The following TMEM132D variants were observed in gnomAD, a reference collection of about 807,000 sequenced individuals.
The protein encoded by TMEM132D is mature OL transmembrane protein.
In TMEM132D, 21 loss-of-function variants were observed where a neutral mutation model predicts 62.3. The observed-to-expected ratio is 0.34, with a 90% CI of 0.24 to 0.49. The LOEUF is 0.49. Among genes scored for constraint, TMEM132D ranks in the 20% least tolerant of loss-of-function variants. The probability of loss-of-function intolerance (pLI) is 0.99; values close to 1 mark genes in which losing one functional copy is unlikely to be tolerated. For synonymous variants in TMEM132D, 621 were observed against 575.6 expected (o/e 1.08, Z -1.13); for missense variants, 1,346 against 1,402.8 (o/e 0.96, Z 0.65).
intron 2 of TMEM132D, among the ~76,000 whole-genome samples, chr12:129,628,541 C>T (rs1257311650): frequency 1.3e-5 from 2 of 152,212 alleles, no homozygotes; most frequent in African/African-American, 4.8e-5. Context: ...CAGAACACTA[C>T]TATGTGCTGG....
rs149201962 is a variant in TMEM132D at position 129,486,994 on chromosome 12, C to T, written c.1115+44065G>A. Among the ~76,000 whole-genome samples the T allele has an allele frequency of 9.1e-5, 13 of 143,250 alleles. No individual in the cohort carries two copies. The East Asian group carries it at 1.9e-3, about 21-fold the overall frequency. The allele number at this position is 143,250 out of a possible 152,430, so 94.0% of individuals were successfully genotyped here. Reference sequence around the variant, plus strand: ...AGGATACGAGAGGCCTGTATTGCAGCGTGGCTGGAGAGTTGATGTCTGCGA... The same window carrying T: ...AGGATACGAGAGGCCTGTATTGCAGTGTGGCTGGAGAGTTGATGTCTGCGA... On this transcript the variant is annotated intron_variant, in intron 3 of 8. Coordinates refer to ENST00000422113, the MANE Select transcript of TMEM132D (RefSeq NM_133448.3).
intron 5 of TMEM132D, among the ~76,000 whole-genome samples, chr12:129,113,625 G>C (rs1167154436): frequency 6.6e-6 from 1 of 152,126 alleles, no homozygotes; most frequent in Non-Finnish European, 1.5e-5. Flanking sequence ...AGTGTTCTAG[G>C]GTGGAGAGTT....
Position 129,838,300 on chromosome 12 carries a change from G to A in TMEM132D, c.79+64961C>T, listed in dbSNP as rs564525852. On this transcript the variant is annotated intron_variant, in intron 1 of 8. Coordinates refer to ENST00000422113, the MANE Select transcript of TMEM132D (RefSeq NM_133448.3). ...CAAGGTATGCTCTAGAATAGAAAGC[G>A]TCTTTCCAACTCTCTTCCGAAAAAT... 2.4e-4 allele frequency among the ~76,000 whole-genome samples: 37 copies of A among 152,322 alleles called. No homozygotes were observed. In the South Asian group the frequency reaches 3.5e-3, roughly 15 times the overall value.
intron 1 of TMEM132D, among the ~76,000 whole-genome samples, chr12:129,825,299 G>A (rs111948787): frequency 0.12 from 18,356 of 151,856 alleles, 1,428 homozygotes; most frequent in Middle Eastern, 0.17. Flanking sequence ...GATTACAGGC[G>A]TGAGCCACTG....
intron 4 of TMEM132D, among the ~76,000 whole-genome samples, chr12:129,274,760 G>C (rs550274513): frequency 6.6e-6 from 1 of 152,006 alleles, no homozygotes; most frequent in Non-Finnish European, 1.5e-5. Flanking sequence ...GGTGGCGGGC[G>C]CCTGTGGTCC....
At chr12:129,372,650 G>A (rs1870649963) in intron 3 of TMEM132D, among the ~76,000 whole-genome samples, 1 of 151,938 alleles carries the variant, frequency 6.6e-6, no homozygotes, top group Admixed American at 6.6e-5. Flanking sequence ...CTATGCTGTA[G>A]TGCAAACTAT....
intron 5 of TMEM132D, among the ~76,000 whole-genome samples, chr12:129,113,509 C>T (rs143975071): frequency 6.6e-6 from 1 of 152,236 alleles, no homozygotes; most frequent in African/African-American, 2.4e-5. Flanking sequence ...CTGCCTTCAT[C>T]GAGCTTACAC....
Position 129,111,688 on chromosome 12 carries a change from T to C in TMEM132D, c.1444-26986A>G, listed in dbSNP as rs140412171. 5.9e-5 allele frequency: 9 copies of C among 152,358 alleles called. No homozygotes were observed. The East Asian group carries it at 1.3e-3, about 23-fold the overall frequency. 9.4% of individuals were successfully genotyped at this position (152,358 alleles called of 1,614,324 possible). A position where few individuals can be genotyped will look rare whatever the true frequency, so the allele number is the denominator to read the frequency against. ...TCCCAAGGTGGGTGATAACTGATTA[T>C]GAAAACCTTCCTCCCTCTCAGTCTC... On this transcript the variant is annotated intron_variant, in intron 5 of 8. Transcript: ENST00000422113.
At chr12:129,479,468 C>T (rs952152760) in intron 3 of TMEM132D, among the ~76,000 whole-genome samples, 2 of 152,042 alleles carry the variant, frequency 1.3e-5, no homozygotes, top group Non-Finnish European at 2.9e-5. Flanking sequence ...CTCTGGCATA[C>T]GTCCTGAGAT....
At chr12:129,814,403 G>A (rs1872280903) in intron 1 of TMEM132D, among the ~76,000 whole-genome samples, 1 of 152,044 alleles carries the variant, frequency 6.6e-6, no homozygotes, top group Non-Finnish European at 1.5e-5. Context: ...CGAGGTGGGA[G>A]TTTGAGACCA....
At chr12:129,624,759 C>T (rs1217773141) in intron 2 of TMEM132D, among the ~76,000 whole-genome samples, 2 of 152,050 alleles carry the variant, frequency 1.3e-5, no homozygotes, top group Admixed American at 6.5e-5. Context: ...CAGAGTGAAC[C>T]AGACAGCAAG....
intron 2 of TMEM132D, among the ~76,000 whole-genome samples, chr12:129,683,668 T>G (rs1880839637): frequency 6.6e-6 from 1 of 152,046 alleles, no homozygotes; most frequent in African/African-American, 2.4e-5. Flanking sequence ...CCCCACTTCC[T>G]CCTTGCCATG....
chr12:129,638,456 G>GA (rs978007797), intron 2 of TMEM132D, among the ~76,000 whole-genome samples: 1 of 148,190 alleles, frequency 6.7e-6, no homozygotes, highest in Non-Finnish European at 1.5e-5. Context: ...TACTTTCATT[G>GA]AAAAAAAATC....
intron 5 of TMEM132D, among the ~76,000 whole-genome samples, chr12:129,163,780 T>G (rs1167926260): frequency 2.0e-5 from 3 of 152,206 alleles, no homozygotes; most frequent in African/African-American, 7.2e-5. Flanking sequence ...TTCCTTCAAT[T>G]CTTTCCAGTC....
At chr12:129,770,471 CT>C (rs970610894) in intron 1 of TMEM132D, among the ~76,000 whole-genome samples, 3 of 152,174 alleles carry the variant, frequency 2.0e-5, no homozygotes, top group East Asian at 1.9e-4. Context: ...GGGGAAGGTG[CT>C]TTTTTTCAGC....
intron 3 of TMEM132D, among the ~76,000 whole-genome samples, chr12:129,388,561 G>A: frequency 2.5e-5 from 2 of 80,172 alleles, no homozygotes; most frequent in African/African-American, 9.2e-5. Flanking sequence ...ACACTAACAT[G>A]AATCCTAATA....
chr12:129,808,504 C>T (rs766682262), intron 1 of TMEM132D, among the ~76,000 whole-genome samples: 7 of 152,078 alleles, frequency 4.6e-5, no homozygotes, highest in Non-Finnish European at 7.4e-5. Context: ...AAGGAAGTCA[C>T]GTTATGAATG....
In TMEM132D at chr12:129,460,355, G is replaced by T. The variant is rs546606962; in HGVS notation, c.1115+70704C>A. ...CAATTTCTCCACTGATTATTTCCAG[G>T]ATTGGAGATTTGAAAAAGCGGATAA... On this transcript the variant is annotated intron_variant, in intron 3 of 8. Transcript: ENST00000422113. Among the ~76,000 whole-genome samples, 5 of 152,290 alleles carry T rather than the reference G, an allele frequency of 3.3e-5. No individual in the cohort carries two copies. The South Asian group carries it at 1.0e-3, about 32-fold the overall frequency.
intron 3 of TMEM132D, among the ~76,000 whole-genome samples, chr12:129,362,036 C>T (rs796915824): frequency 1.4e-4 from 22 of 152,284 alleles, no homozygotes; most frequent in African/African-American, 4.6e-4. Flanking sequence ...GCTTCTCCAA[C>T]GCAATCCATA....
Sources: allele counts gnomAD v4.1 joint callset (sites outside exome capture counted in the v4.1 genomes callset), GRCh38; gene constraint gnomAD v4.1.1; transcripts MANE v1.5; gene names NCBI Gene and HGNC (gene_info 2026-07-23, HGNC 2026-07-21).